CTNND2: variants seen among roughly 807,000 people sequenced by gnomAD.
CTNND2 encodes catenin delta-2.
Under a neutral mutation model 144.4 loss-of-function variants are expected in CTNND2, and 22 were observed. The ratio of observed to expected loss-of-function variants is 0.15; its 90% CI spans 0.11 to 0.22. The LOEUF (loss-of-function observed/expected upper bound fraction) is 0.22. CTNND2 is among the 10% of genes least tolerant of loss of function. The pLI, the probability that CTNND2 is intolerant of heterozygous loss-of-function variation, is 1.00. For missense variants in CTNND2, 1,353 were observed against 1,618.8 expected (o/e 0.84, Z 2.82); for synonymous variants, 751 against 695.6 (o/e 1.08, Z -1.25).
chr5:11,434,350 T>C (rs1258207427), intron 3 of CTNND2, among the ~76,000 whole-genome samples: 2 of 152,178 alleles, frequency 1.3e-5, no homozygotes, highest in African/African-American at 2.4e-5. Flanking sequence ...GGGGATTTAC[T>C]GGAAAGGACA....
chr5:11,406,618 C>A (rs1761121068), intron 5 of CTNND2, among the ~76,000 whole-genome samples: 1 of 152,040 alleles, frequency 6.6e-6, no homozygotes, highest in Non-Finnish European at 1.5e-5. Flanking sequence ...ATAACCTGAT[C>A]TCTCAAACGT....
At chr5:11,289,898 C>T (rs748643082) in intron 9 of CTNND2, among the ~76,000 whole-genome samples, 15 of 152,164 alleles carry the variant, frequency 9.9e-5, no homozygotes, top group African/African-American at 1.4e-4. Flanking sequence ...CCCATGAGCT[C>T]GGCTGGGGCA....
chr5:11,531,947 G>A (rs530088325), intron 3 of CTNND2, among the ~76,000 whole-genome samples: 4 of 152,094 alleles, frequency 2.6e-5, no homozygotes, highest in African/African-American at 4.8e-5. Context: ...CACACTAACC[G>A]CAGTGCACAT....
At chr5:10,979,465 G>T (rs1176283286) in intron 21 of CTNND2, among the ~76,000 whole-genome samples, 1 of 152,196 alleles carries the variant, frequency 6.6e-6, no homozygotes, top group Non-Finnish European at 1.5e-5. Context: ...TTCACCAGGG[G>T]GTCACAGACA....
At chr5:11,895,814 A>C (rs1379464205) in intron 1 of CTNND2, among the ~76,000 whole-genome samples, 1 of 152,244 alleles carries the variant, frequency 6.6e-6, no homozygotes, top group Non-Finnish European at 1.5e-5. Context: ...GATAATTCAC[A>C]AAAAAATTAG....
chr5:11,658,920 C>G (rs1367572992), intron 2 of CTNND2, among the ~76,000 whole-genome samples: 3 of 151,984 alleles, frequency 2.0e-5, no homozygotes, highest in African/African-American at 7.2e-5. Context: ...ATTTAGAGAT[C>G]AATTATGAAT....
chr5:11,259,342 C>T (rs1322452379), intron 9 of CTNND2, among the ~76,000 whole-genome samples: 1 of 151,978 alleles, frequency 6.6e-6, no homozygotes, highest in East Asian at 1.9e-4. Context: ...AGCCACCACG[C>T]CAAAAAAAAA....
At chr5:11,373,028 C>A (rs1487171080) in intron 7 of CTNND2, among the ~76,000 whole-genome samples, 1 of 152,214 alleles carries the variant, frequency 6.6e-6, no homozygotes, top group Non-Finnish European at 1.5e-5. Flanking sequence ...AAGAGTATAG[C>A]TAGACACTGG....
At chr5:11,345,051 T>C (rs1044561767) in intron 9 of CTNND2, among the ~76,000 whole-genome samples, 2 of 152,222 alleles carry the variant, frequency 1.3e-5, no homozygotes, top group African/African-American at 4.8e-5. Context: ...TATTTTTGTC[T>C]TTTAGCATTT....
At chr5:11,405,773 A>AG (rs201781224) in intron 5 of CTNND2, among the ~76,000 whole-genome samples, 1,873 of 152,032 alleles carry the variant, frequency 0.012, 75 homozygotes, top group East Asian at 0.12. Context: ...TACCCGAGGT[A>AG]GGGGGGGAAG....
chr5:11,842,044 C>T (rs1794498096), intron 1 of CTNND2, among the ~76,000 whole-genome samples: 1 of 152,028 alleles, frequency 6.6e-6, no homozygotes. Flanking sequence ...CAGGATTCCA[C>T]ACTGGCTGAT....
chr5:11,780,005 G>C (rs575666627), intron 1 of CTNND2, among the ~76,000 whole-genome samples: 1 of 152,130 alleles, frequency 6.6e-6, no homozygotes, highest in Admixed American at 6.5e-5. Context: ...ATAAAAGCAG[G>C]GCCTCCATTT....
intron 3 of CTNND2, among the ~76,000 whole-genome samples, chr5:11,560,757 A>T (rs1776618859): frequency 6.6e-6 from 1 of 152,190 alleles, no homozygotes; most frequent in Non-Finnish European, 1.5e-5. Context: ...GGCAGAGGTA[A>T]CCATGCTAAA....
At position 11,406,810 on chromosome 5, in the gene CTNND2, A is replaced by C. The variant is rs191288392; in HGVS notation, c.439+4726T>G. ...TTTAAAAATATATTCAGATTTGAAA[A>C]CTTATAATAATATGTACTTTTTTTT... On this transcript the variant is annotated intron_variant, in intron 5 of 21. Transcript: ENST00000304623. Among the ~76,000 whole-genome samples, 326 of 147,750 alleles carry C rather than the reference A, an allele frequency of 2.2e-3. 3 individuals carry two copies. The highest frequency in any genetic ancestry group is 7.8e-3 in the African/African-American group (297 of 38,032).
intron 11 of CTNND2, among the ~76,000 whole-genome samples, chr5:11,177,695 T>C (rs1204387493): frequency 3.3e-5 from 5 of 152,170 alleles, no homozygotes; most frequent in Non-Finnish European, 5.9e-5. Context: ...TTAAACTACA[T>C]GGATCAAGTT....
At chr5:11,390,699 C>G (rs1001361924) in intron 6 of CTNND2, among the ~76,000 whole-genome samples, 1 of 152,196 alleles carries the variant, frequency 6.6e-6, no homozygotes, top group Non-Finnish European at 1.5e-5. Context: ...GCTGGGCAGC[C>G]GGGCCAACAG....
chr5:11,707,043 G>A (rs889860350), intron 2 of CTNND2, among the ~76,000 whole-genome samples: 2 of 149,552 alleles, frequency 1.3e-5, no homozygotes, highest in African/African-American at 2.5e-5. Flanking sequence ...CCGAGATCAC[G>A]CCACTGCACT....
chr5:11,497,025 G>T (rs1333737535), intron 3 of CTNND2, among the ~76,000 whole-genome samples: 1 of 152,062 alleles, frequency 6.6e-6, no homozygotes, highest in Non-Finnish European at 1.5e-5. Flanking sequence ...TCATAGTTAG[G>T]GAGTACAGGG....
At chr5:11,714,114 A>C (rs963863023) in intron 2 of CTNND2, among the ~76,000 whole-genome samples, 1 of 152,234 alleles carries the variant, frequency 6.6e-6, no homozygotes, top group Non-Finnish European at 1.5e-5. Context: ...GAGAAAGTGA[A>C]AGATATTTCT....
Sources: allele counts gnomAD v4.1 joint callset (sites outside exome capture counted in the v4.1 genomes callset), GRCh38; gene constraint gnomAD v4.1.1; transcripts MANE v1.5; gene names NCBI Gene and HGNC (gene_info 2026-07-23, HGNC 2026-07-21).